Variants in VAC14 observed in about 807,000 individuals in gnomAD.
VAC14 encodes the protein VAC14 component of PIKFYVE complex, also known as protein VAC14 homolog.
A neutral mutation model predicts 85.3 loss-of-function variants in VAC14; 47 were observed. That is an observed-to-expected ratio of 0.55 (90% CI 0.44 to 0.70). The LOEUF is 0.70. VAC14 is among the 30% of genes least tolerant of loss of function. VAC14 has a pLI of 0.00. For synonymous variants in VAC14, 447 were observed against 430.5 expected, an observed-to-expected ratio of 1.04 and a Z score of -0.47; for missense variants, 861 against 1,004.3, an observed-to-expected ratio of 0.86 and a Z score of 1.93.
At chr16:70,712,300 C>G (rs533229626) in intron 14 of VAC14, among the ~76,000 whole-genome samples, 2 of 152,178 alleles carry the variant, frequency 1.3e-5, no homozygotes. Context: ...ACAGGCGAGG[C>G]GCCCTATAGC....
intron 7 of VAC14, 140 bp from the exon 8 acceptor site, chr16:70,782,143 C>T: frequency 8.3e-7 from 1 of 1,210,242 alleles, no homozygotes; most frequent in Non-Finnish European, 1.1e-6. Context: ...CAATGCTCTA[C>T]TACCTGTGTG....
chr16:70,690,160 AT>A (rs1273709937), intron 18 of VAC14: 1 of 985,414 alleles, frequency 1.0e-6, no homozygotes, highest in Non-Finnish European at 1.2e-6. Flanking sequence ...AGTGGGCCAC[AT>A]CTGCTCCCTG....
At chr16:70,731,123 C>T (rs1397020718) in intron 14 of VAC14, among the ~76,000 whole-genome samples, 1 of 152,220 alleles carries the variant, frequency 6.6e-6, no homozygotes, top group African/African-American at 2.4e-5. Flanking sequence ...TGGCTAAATC[C>T]CGCACTGGGG....
Position 70,772,131 on chromosome 16 carries a change from TGCCGCTACTGAA to T in VAC14, c.1126_1137del (p.Phe376_Gly379del), listed in dbSNP as rs2033267186. On this transcript the variant is annotated inframe_deletion, in exon 10 of 19. Transcript: ENST00000261776. The stretch of plus-strand genomic sequence containing the variant: ...TACCTGGCTGCAGTGAAGACACTGA[TGCCGCTACTGAA>T]GCTGGAGTCACAGGAACCATCTGGA... The T allele has an allele frequency of 6.2e-7, 1 of 1,614,160 alleles. No individual in the cohort carries two copies. Among genetic ancestry groups the T allele is most frequent in the Middle Eastern group, 1.7e-4 (1 of 6,030 alleles).
At chr16:70,719,468 A>G (rs1369908069) in intron 14 of VAC14, among the ~76,000 whole-genome samples, 2 of 152,242 alleles carry the variant, frequency 1.3e-5, no homozygotes, top group African/African-American at 2.4e-5. Context: ...GAAGATAATG[A>G]CAGTATATAC....
chr16:70,759,971 G>C (rs1338575411), intron 12 of VAC14, among the ~76,000 whole-genome samples: 1 of 152,174 alleles, frequency 6.6e-6, no homozygotes, highest in Non-Finnish European at 1.5e-5. Context: ...ATGCAAAATG[G>C]AAGTAAGACG....
At chr16:70,691,239 C>T in intron 18 of VAC14, 3 of 985,436 alleles carry the variant, frequency 3.0e-6, no homozygotes, top group Non-Finnish European at 3.6e-6. Flanking sequence ...CACTCGGAGA[C>T]CCGGGAGAGG....
At chr16:70,761,023 GGGGGGGC>G (rs2032326609) in intron 12 of VAC14, 1 of 250,408 alleles carries the variant, frequency 4.0e-6, no homozygotes, top group Non-Finnish European at 7.7e-6. Flanking sequence ...GTGTGTGCAT[GGGGGGGC>G]GGGGGGTAGG....
intron 1 of VAC14, among the ~76,000 whole-genome samples, chr16:70,792,834 C>T (rs2034396443): frequency 6.6e-6 from 1 of 152,184 alleles, no homozygotes; most frequent in Non-Finnish European, 1.5e-5. Flanking sequence ...TTGAGTTGAC[C>T]ACTTCCTAAG....
At position 70,800,958 on chromosome 16, in the gene VAC14, G is replaced by T. The variant is rs944242239; in HGVS notation, c.-58C>A. ...GCCCGCGGCTGCCGGGGCCGCGCCG[G>T]GGCCAGGGGAGTCTGCGGCTCCGCT... On this transcript the variant is annotated 5_prime_UTR_variant, in exon 1 of 19. Transcript: ENST00000261776. 34 of 1,348,780 alleles carry T rather than the reference G, an allele frequency of 2.5e-5. No individual in the cohort carries two copies. The highest frequency in any genetic ancestry group is 3.4e-5 in the Non-Finnish European group (34 of 1,001,340). The allele number at this position is 1,348,780 out of a possible 1,614,324, so 83.6% of individuals were successfully genotyped here. A position where few individuals can be genotyped will look rare whatever the true frequency, so the allele number is the denominator to read the frequency against.
At chr16:70,700,568 A>G (rs1022191248) in intron 14 of VAC14, among the ~76,000 whole-genome samples, 7 of 152,158 alleles carry the variant, frequency 4.6e-5, no homozygotes, top group African/African-American at 1.7e-4. Flanking sequence ...ATGTAAGGCT[A>G]GTGTGTGGAA....
chr16:70,781,827 T>G (rs1366392606), intron 8 of VAC14, 42 bp downstream of exon 8: 1 of 1,607,840 alleles, frequency 6.2e-7, no homozygotes, highest in South Asian at 1.1e-5. Context: ...CATAATCCCT[T>G]TGGGGCTTCT....
intron 1 of VAC14, among the ~76,000 whole-genome samples, chr16:70,798,669 C>T (rs1377278667): frequency 1.3e-5 from 2 of 152,170 alleles, no homozygotes; most frequent in African/African-American, 4.8e-5. Context: ...TTAATGTGCA[C>T]ACAAATCACC....
At position 70,786,352 on chromosome 16, in the gene VAC14, A is replaced by C; in HGVS notation, c.118T>G (p.Phe40Val). 6.2e-7 allele frequency: 1 copy of C among 1,613,892 alleles called. No homozygotes were observed. Among genetic ancestry groups the C allele is most frequent in the Non-Finnish European group, 8.5e-7 (1 of 1,179,846 alleles). ...ALEIEKLVRE[F>V]VAQNNTVQIK... ...TGCACGGTATTGTTCTGGGCCACGA[A>C]CTCCCGGACCAGCCTGGAGAGAGAG... Residue 40 changes from phenylalanine (F) to valine (V), a missense_variant, in exon 2 of 19, where the codon TTC becomes GTC. Physicochemically the swap from Phe to Val is conservative, Grantham distance 50 (BLOSUM62 -1). Around this residue, in one of 3 missense-constraint regions of VAC14, gnomAD observed 629 missense variants for 703.1 expected, o/e 0.89. Transcript: ENST00000261776.
intron 4 of VAC14, 125 bp downstream of exon 4, chr16:70,784,651 T>C: frequency 1.1e-6 from 1 of 925,116 alleles, no homozygotes; most frequent in Non-Finnish European, 1.7e-6. Context: ...CACCAGGGAG[T>C]ACATGTAAAT....
At chr16:70,724,326 C>G (rs1435394252) in intron 14 of VAC14, among the ~76,000 whole-genome samples, 5 of 152,208 alleles carry the variant, frequency 3.3e-5, no homozygotes, top group South Asian at 2.1e-4. Flanking sequence ...GACCACCCCC[C>G]ACTCCATCTC....
chr16:70,727,134 C>T (rs1045699929), intron 14 of VAC14, among the ~76,000 whole-genome samples: 1 of 152,206 alleles, frequency 6.6e-6, no homozygotes, highest in Non-Finnish European at 1.5e-5. Context: ...CACACTCCTG[C>T]CAAAAGAACA....
At chr16:70,724,724 A>G (rs1287320283) in intron 14 of VAC14, among the ~76,000 whole-genome samples, 1 of 152,208 alleles carries the variant, frequency 6.6e-6, no homozygotes, top group Non-Finnish European at 1.5e-5. Context: ...ACGGCTGTGG[A>G]AAGCTCCAGA....
At chr16:70,773,636 AT>A (rs1303446912) in intron 9 of VAC14, among the ~76,000 whole-genome samples, 4 of 152,118 alleles carry the variant, frequency 2.6e-5, no homozygotes, top group Non-Finnish European at 5.9e-5. Flanking sequence ...CCTGATACTA[AT>A]TTTTTGTAGT....
Sources: allele counts gnomAD v4.1 joint callset (sites outside exome capture counted in the v4.1 genomes callset), GRCh38; gene constraint gnomAD v4.1.1; regional missense constraint gnomAD v4.1.1; transcripts MANE v1.5; gene names NCBI Gene and HGNC (gene_info 2026-07-23, HGNC 2026-07-21).